Variants in RBFOX1 observed in about 807,000 individuals in gnomAD.
RBFOX1 encodes RNA binding protein fox-1 homolog 1.
RBFOX1 carries 8 observed loss-of-function variants against 57.7 expected under a neutral mutation model. The observed-to-expected ratio is 0.14, with a 90% confidence interval of 0.08 to 0.25. The LOEUF (loss-of-function observed/expected upper bound fraction) is 0.25, where lower values mean the gene tolerates loss of function less well. RBFOX1 is among the 10% of genes least tolerant of loss of function. RBFOX1 has a pLI of 1.00. For synonymous variants in RBFOX1, 326 were observed against 222.4 expected, an observed-to-expected ratio of 1.47 and a Z score of -4.15; for missense variants, 611 against 548.5, an observed-to-expected ratio of 1.11 and a Z score of -1.14.
At chr16:5,329,907 C>T (rs750437166) in intron 1 of RBFOX1, among the ~76,000 whole-genome samples, 11 of 149,798 alleles carry the variant, frequency 7.3e-5, no homozygotes, top group East Asian at 2.0e-4. Context: ...GGCGTGAATC[C>T]GGGAGGTGGA....
At chr16:5,618,554 T>G (rs1000989425) in intron 3 of RBFOX1, among the ~76,000 whole-genome samples, 2 of 152,104 alleles carry the variant, frequency 1.3e-5, no homozygotes, top group Non-Finnish European at 1.5e-5. Context: ...AGCCAGGATG[T>G]TCTCGATCTC....
chr16:5,686,543 T>G (rs2050509554), intron 3 of RBFOX1, among the ~76,000 whole-genome samples: 1 of 152,124 alleles, frequency 6.6e-6, no homozygotes, highest in African/African-American at 2.4e-5. Flanking sequence ...GATTTCTACT[T>G]AATCGTGGGT....
intron 4 of RBFOX1, among the ~76,000 whole-genome samples, chr16:5,977,246 C>T (rs1238208760): frequency 6.6e-6 from 1 of 152,158 alleles, no homozygotes; most frequent in African/African-American, 2.4e-5. Context: ...ATGATGGCTC[C>T]TCACCACCTC....
chr16:5,949,334 G>C (rs1282755005), intron 4 of RBFOX1, among the ~76,000 whole-genome samples: 6 of 152,006 alleles, frequency 3.9e-5, no homozygotes, highest in Non-Finnish European at 7.4e-5. Context: ...AGACCATCCT[G>C]TCTAACACAG....
chr16:6,283,398 G>C (rs1196371728), intron 1 of RBFOX1, among the ~76,000 whole-genome samples: 1 of 152,034 alleles, frequency 6.6e-6, no homozygotes, highest in Admixed American at 6.6e-5. Flanking sequence ...TACAGTGAAT[G>C]GGCTAAATTT....
At chr16:7,610,576 C>G (rs2057292172) in intron 10 of RBFOX1, among the ~76,000 whole-genome samples, 1 of 152,186 alleles carries the variant, frequency 6.6e-6, no homozygotes, top group Non-Finnish European at 1.5e-5. Flanking sequence ...CATGCTGCCA[C>G]TATCCGGATT....
At chr16:7,455,375 A>G (rs190026214) in intron 4 of RBFOX1, among the ~76,000 whole-genome samples, 305 of 152,290 alleles carry the variant, frequency 2.0e-3, no homozygotes, top group African/African-American at 7.0e-3. Context: ...GTGCACATGC[A>G]TGATAGGTTT....
At chr16:6,798,089 G>C (rs767876894) in intron 3 of RBFOX1, among the ~76,000 whole-genome samples, 4 of 152,042 alleles carry the variant, frequency 2.6e-5, no homozygotes, top group Non-Finnish European at 4.4e-5. Context: ...ATAAATATAT[G>C]CCACACCCTT....
At chr16:6,576,237 C>T (rs527999903) in intron 2 of RBFOX1, among the ~76,000 whole-genome samples, 22 of 152,268 alleles carry the variant, frequency 1.4e-4, no homozygotes, top group African/African-American at 5.1e-4. Flanking sequence ...CATCTCAGGG[C>T]ACAAGGCAGG....
chr16:5,464,349 C>G (rs2068888948), intron 1 of RBFOX1, among the ~76,000 whole-genome samples: 1 of 152,172 alleles, frequency 6.6e-6, no homozygotes, highest in Non-Finnish European at 1.5e-5. Context: ...AGGGCAGACC[C>G]TACGGGTTGT....
intron 1 of RBFOX1, among the ~76,000 whole-genome samples, chr16:6,182,300 T>G (rs764845692): frequency 1.8e-4 from 28 of 152,232 alleles, no homozygotes; most frequent in African/African-American, 6.8e-4. Context: ...AATTTTACTC[T>G]GTTCTCTCTC....
chr16:7,368,729 G>A (rs2097511807), intron 4 of RBFOX1, among the ~76,000 whole-genome samples: 1 of 150,282 alleles, frequency 6.7e-6, no homozygotes, highest in Admixed American at 6.6e-5. Context: ...GCAGTGAGCT[G>A]AGATCACGCC....
intron 3 of RBFOX1, among the ~76,000 whole-genome samples, chr16:5,705,118 A>T (rs1040626838): frequency 6.6e-6 from 1 of 152,184 alleles, no homozygotes; most frequent in African/African-American, 2.4e-5. Context: ...ATTAGTAAAG[A>T]TAGGGTAAAA....
At chr16:5,413,366 A>T (rs942225619) in intron 1 of RBFOX1, among the ~76,000 whole-genome samples, 3 of 152,282 alleles carry the variant, frequency 2.0e-5, no homozygotes, top group Admixed American at 6.5e-5. Context: ...CTGGCTACTG[A>T]AAGAACTCCA....
Position 6,959,539 on chromosome 16 carries a change from A to G in RBFOX1, c.-15-92518A>G, listed in dbSNP as rs28538378. ...CCTCTCTCATTCTGTGTGCATTTGG[A>G]CCCAGGTCTCAGTGAGTCTGTGGCA... On this transcript the variant is annotated intron_variant, in intron 3 of 15. Coordinates refer to ENST00000550418, the MANE Select transcript of RBFOX1 (RefSeq NM_018723.4). 9.0e-3 allele frequency among the ~76,000 whole-genome samples: 1,361 copies of G among 151,982 alleles called. 26 individuals carry two copies. The highest frequency in any genetic ancestry group is 0.031 in the African/African-American group (1,266 of 41,414).
chr16:5,923,280 A>C (rs943615321), intron 4 of RBFOX1, among the ~76,000 whole-genome samples: 9 of 152,152 alleles, frequency 5.9e-5, no homozygotes, highest in African/African-American at 2.2e-4. Context: ...GGAGAAGAAG[A>C]ATGCTATGGC....
intron 3 of RBFOX1, among the ~76,000 whole-genome samples, chr16:6,754,552 T>A (rs1364082875): frequency 6.6e-6 from 1 of 152,156 alleles, no homozygotes; most frequent in African/African-American, 2.4e-5. Context: ...AATTCCCACA[T>A]AGAATTTCTC....
intron 3 of RBFOX1, among the ~76,000 whole-genome samples, chr16:6,849,176 C>T (rs529044065): frequency 6.6e-6 from 1 of 152,164 alleles, no homozygotes; most frequent in Admixed American, 6.5e-5. Context: ...GCTGAACACT[C>T]TTGAATGTAG....
chr16:5,568,791 C>T (rs773275410), intron 2 of RBFOX1, among the ~76,000 whole-genome samples: 2 of 152,152 alleles, frequency 1.3e-5, no homozygotes, highest in Non-Finnish European at 2.9e-5. Flanking sequence ...TGTTTTTTCA[C>T]TCCTCCCACC....
Sources: gnomAD v4.1 joint callset for allele counts (sites outside exome capture counted in the v4.1 genomes callset) on GRCh38, gnomAD v4.1.1 for gene constraint, MANE v1.5 for transcripts, NCBI Gene and HGNC (gene_info 2026-07-23, HGNC 2026-07-21) for gene names.